The following MED12L variants were observed in gnomAD, a reference collection of about 807,000 sequenced individuals.
The protein encoded by MED12L is mediator complex subunit 12L, also known as mediator of RNA polymerase II transcription subunit 12-like protein.
In MED12L, 60 loss-of-function variants were observed where a neutral mutation model predicts 281.3. The ratio of observed to expected loss-of-function variants is 0.21; its 90% confidence interval spans 0.17 to 0.26. MED12L has a LOEUF of 0.26. MED12L is among the 10% of genes least tolerant of loss of function. The pLI is 1.00. For synonymous variants in MED12L, 974 were observed against 987.2 expected (o/e 0.99, Z 0.25); for missense variants, 2,146 against 2,680.9 (o/e 0.80, Z 4.41).
intron 16 of MED12L, chr3:151,198,682 G>C: frequency 6.2e-7 from 1 of 1,614,072 alleles, no homozygotes; most frequent in Non-Finnish European, 8.5e-7. Flanking sequence ...AAGGAACAAA[G>C]CATATGATGT....
intron 11 of MED12L, among the ~76,000 whole-genome samples, chr3:151,167,791 G>C (rs2700474): frequency 0.43 from 65,869 of 152,082 alleles, 17,302 homozygotes; most frequent in Non-Finnish European, 0.57. Flanking sequence ...TGTGTTTTTA[G>C]TAAAGACTTT....
chr3:151,246,095 A>C (rs1025304816), intron 16 of MED12L, among the ~76,000 whole-genome samples: 19 of 152,198 alleles, frequency 1.2e-4, no homozygotes, highest in South Asian at 2.1e-4. Flanking sequence ...GGAGAACTAC[A>C]AACCACTGCT....
intron 2 of MED12L, among the ~76,000 whole-genome samples, chr3:151,116,054 A>G (rs1216165846): frequency 8.0e-6 from 1 of 124,644 alleles, no homozygotes; most frequent in South Asian, 2.9e-4. Flanking sequence ...ACAGAGCGAG[A>G]CTCCATCTCC....
chr3:151,392,856 A>G (rs1577545695), intron 38 of MED12L, among the ~76,000 whole-genome samples: 1 of 152,346 alleles, frequency 6.6e-6, no homozygotes. Flanking sequence ...TCAGAGGTAC[A>G]AGATCATAGA....
intron 16 of MED12L, among the ~76,000 whole-genome samples, chr3:151,237,578 T>G (rs1733172252): frequency 6.6e-6 from 1 of 151,162 alleles, no homozygotes. Context: ...CTCGAACTCC[T>G]GACCTCAGGT....
chr3:151,296,331 C>T (rs1451245950), intron 16 of MED12L, among the ~76,000 whole-genome samples: 1 of 152,166 alleles, frequency 6.6e-6, no homozygotes, highest in African/African-American at 2.4e-5. Context: ...ACATGGGCCT[C>T]TCATGTCTCC....
chr3:151,304,795 T>C (rs28386791), intron 16 of MED12L, among the ~76,000 whole-genome samples: 16,858 of 152,168 alleles, frequency 0.11, 1,231 homozygotes, highest in Middle Eastern at 0.18. Flanking sequence ...GAGGTTAAAA[T>C]GATGAACGTT....
At chr3:151,264,213 G>C (rs1192617237) in intron 16 of MED12L, among the ~76,000 whole-genome samples, 2 of 152,136 alleles carry the variant, frequency 1.3e-5, no homozygotes, top group African/African-American at 4.8e-5. Context: ...ATCTTTGAAG[G>C]TTGTGTTTTG....
chr3:151,218,961 T>C (rs899819661), intron 16 of MED12L, among the ~76,000 whole-genome samples: 2 of 151,668 alleles, frequency 1.3e-5, no homozygotes, highest in East Asian at 1.9e-4. Flanking sequence ...TTGCCTTGTT[T>C]CACAAATCCA....
At chr3:151,408,596 A>G (rs931918675) in intron 39 of MED12L, among the ~76,000 whole-genome samples, 1 of 152,204 alleles carries the variant, frequency 6.6e-6, no homozygotes, top group African/African-American at 2.4e-5. Context: ...TCTTGTGAAT[A>G]TATTTGTTTT....
chr3:151,102,943 T>C (rs1042294884), intron 2 of MED12L, among the ~76,000 whole-genome samples: 2 of 152,214 alleles, frequency 1.3e-5, no homozygotes, highest in Non-Finnish European at 2.9e-5. Context: ...GTCAATTAAC[T>C]GGACTTCAGA....
Position 151,357,250 on chromosome 3 carries a change from T to C in MED12L, c.2699T>C (p.Leu900Pro), listed in dbSNP as rs1475695770. 1 of 1,613,444 alleles carries C rather than the reference T, an allele frequency of 6.2e-7. No individual in the cohort carries two copies. Among genetic ancestry groups the C allele is most frequent in the Non-Finnish European group, 8.5e-7 (1 of 1,179,690 alleles). The change falls in exon 20 of 45, where the codon CTC (leucine) becomes CCC (proline). Residue 900 changes from leucine (L) to proline (P), a missense_variant. Leu to Pro is a moderately conservative substitution (Grantham distance 98, BLOSUM62 -3). Coordinates refer to ENST00000687756, the MANE Select transcript of MED12L (RefSeq NM_001393769.1). The part of the protein sequence containing the change: ...NELSVVEAEL[L>P]LKSSSLAGSY... Reference sequence around the variant, plus strand: ...CTGAGTGTTGTGGAAGCTGAACTGCTCCTAAAATCCTCCAGCCTGGCAGGA... The same window carrying C: ...CTGAGTGTTGTGGAAGCTGAACTGCCCCTAAAATCCTCCAGCCTGGCAGGA...
At chr3:151,164,374 T>A (rs1389700473) in intron 9 of MED12L, among the ~76,000 whole-genome samples, 1 of 152,218 alleles carries the variant, frequency 6.6e-6, no homozygotes, top group Non-Finnish European at 1.5e-5. Context: ...TTATTGGTAC[T>A]GGGTTATTTG....
intron 5 of MED12L, among the ~76,000 whole-genome samples, chr3:151,148,027 A>G (rs1202458321): frequency 6.6e-6 from 1 of 152,162 alleles, no homozygotes; most frequent in Non-Finnish European, 1.5e-5. Flanking sequence ...ATTCTTGTCA[A>G]TACTTGTTAT....
intron 36 of MED12L, among the ~76,000 whole-genome samples, chr3:151,386,849 C>T (rs1245678472): frequency 6.6e-6 from 1 of 152,112 alleles, no homozygotes; most frequent in African/African-American, 2.4e-5. Flanking sequence ...GCTGAGATTA[C>T]AGGTGTGAGC....
chr3:151,360,444 T>C (rs776160953), intron 20 of MED12L, 30 bp from the exon 21 acceptor site: 1 of 1,603,344 alleles, frequency 6.2e-7, no homozygotes, highest in Non-Finnish European at 8.5e-7. Context: ...CAAATCTATG[T>C]CTTATTTCTT....
intron 16 of MED12L, among the ~76,000 whole-genome samples, chr3:151,211,315 T>G (rs1305852677): frequency 2.0e-5 from 3 of 152,194 alleles, no homozygotes; most frequent in Non-Finnish European, 4.4e-5. Flanking sequence ...AACCCTAGTA[T>G]TTACTCATTT....
intron 16 of MED12L, among the ~76,000 whole-genome samples, chr3:151,265,988 G>A (rs1003837139): frequency 3.9e-5 from 6 of 152,174 alleles, no homozygotes; most frequent in African/African-American, 1.4e-4. Context: ...GCATTTAATT[G>A]TTGTCTGTGC....
At chr3:151,117,773 C>CT (rs148316658) in intron 3 of MED12L, among the ~76,000 whole-genome samples, 2,900 of 151,832 alleles carry the variant, frequency 0.019, 102 homozygotes, top group African/African-American at 0.066. Flanking sequence ...AATTAAATGT[C>CT]TTTTTCTGTG....
Sources: allele counts gnomAD v4.1 joint callset (sites outside exome capture counted in the v4.1 genomes callset), GRCh38; gene constraint gnomAD v4.1.1; transcripts MANE v1.5; gene names NCBI Gene and HGNC (gene_info 2026-07-23, HGNC 2026-07-21).